Variants in SUGCT observed in about 807,000 individuals in gnomAD.
The protein encoded by SUGCT is succinyl-CoA:glutarate-CoA transferase.
A neutral mutation model predicts 55.0 loss-of-function variants in SUGCT; 41 were observed. The ratio of observed to expected loss-of-function variants is 0.74; its 90% confidence interval spans 0.58 to 0.97. The LOEUF is 0.97. SUGCT is among the 50% of genes least tolerant of loss of function. The probability of loss-of-function intolerance (pLI) is 0.00; values close to 1 mark genes in which losing one functional copy is unlikely to be tolerated. For missense variants in SUGCT, 568 were observed against 547.8 expected (o/e 1.04, Z -0.37); for synonymous variants, 187 against 200.4 (o/e 0.93, Z 0.56).
At chr7:40,985,381 A>C in the SUGCT span, among the ~76,000 whole-genome samples, 1 of 152,346 alleles carries the variant, frequency 6.6e-6, no homozygotes, top group Non-Finnish European at 1.5e-5. Context: ...GATAGACATC[A>C]AAACAAATAA....
At chr7:40,895,939 T>C in the SUGCT span, among the ~76,000 whole-genome samples, 1 of 152,190 alleles carries the variant, frequency 6.6e-6, no homozygotes, top group African/African-American at 2.4e-5. Flanking sequence ...AGGATTGGAA[T>C]TGAGATATAG....
At chr7:40,371,952 A>G (rs1784315603) in intron 9 of SUGCT, among the ~76,000 whole-genome samples, 1 of 151,492 alleles carries the variant, frequency 6.6e-6, no homozygotes, top group Admixed American at 6.6e-5. Flanking sequence ...TCGAACACAC[A>G]CACACACACA....
At chr7:40,553,402 TG>T (rs1795402400) in intron 12 of SUGCT, among the ~76,000 whole-genome samples, 1 of 152,166 alleles carries the variant, frequency 6.6e-6, no homozygotes, top group African/African-American at 2.4e-5. Flanking sequence ...AGAATAGACA[TG>T]GAAAATTGAC....
intron 13 of SUGCT, among the ~76,000 whole-genome samples, chr7:40,780,026 A>G (rs1240821174): frequency 6.6e-6 from 1 of 152,094 alleles, no homozygotes; most frequent in Non-Finnish European, 1.5e-5. Context: ...TTGAAACTCT[A>G]ATGGTTTTAT....
At chr7:40,402,137 CT>C (rs143860559) in intron 9 of SUGCT, among the ~76,000 whole-genome samples, 21 of 147,546 alleles carry the variant, frequency 1.4e-4, no homozygotes, top group South Asian at 4.3e-4. Flanking sequence ...ATTTTTATCC[CT>C]TTTTTTTTTC....
At chr7:40,763,934 G>A (rs1456843885) in intron 13 of SUGCT, among the ~76,000 whole-genome samples, 4 of 152,056 alleles carry the variant, frequency 2.6e-5, no homozygotes, top group Admixed American at 6.6e-5. Flanking sequence ...ATTCTTCTTC[G>A]GCTTGCGTGT....
chr7:40,594,735 T>A lies in SUGCT; in HGVS notation c.1089+98349T>A, dbSNP rs544473177. On this transcript the variant is annotated intron_variant, in intron 12 of 13. Coordinates refer to ENST00000335693, the MANE Select transcript of SUGCT (RefSeq NM_001193313.2). ...TGGCACTAACAAGACAATAAAGAAGTAGGACATCATTGGTGAATTTCCCAA... is the reference window on the plus strand; with the variant it reads ...TGGCACTAACAAGACAATAAAGAAGAAGGACATCATTGGTGAATTTCCCAA... Among the ~76,000 whole-genome samples the A allele has an allele frequency of 5.9e-5, 9 of 152,280 alleles. No homozygotes were observed. The South Asian group carries it at 1.5e-3, about 25-fold the overall frequency.
chr7:40,565,163 G>C (rs1181455220), intron 12 of SUGCT, among the ~76,000 whole-genome samples: 1 of 152,192 alleles, frequency 6.6e-6, no homozygotes, highest in African/African-American at 2.4e-5. Context: ...TCTCCTTTTA[G>C]TAGCGTTCTC....
chr7:40,193,155 C>T (rs944562396), intron 5 of SUGCT, among the ~76,000 whole-genome samples: 7 of 151,282 alleles, frequency 4.6e-5, no homozygotes, highest in African/African-American at 7.3e-5. Flanking sequence ...TTTGTAGAGA[C>T]GAAGCCTTGG....
chr7:40,274,418 T>C (rs928136021), intron 7 of SUGCT, 95 bp from the exon 8 acceptor site: 1 of 1,335,154 alleles, frequency 7.5e-7, no homozygotes, highest in African/African-American at 1.5e-5. Context: ...TAATAGACAA[T>C]TCTTTTTTCT....
intron 12 of SUGCT, among the ~76,000 whole-genome samples, chr7:40,699,492 C>A (rs970390988): frequency 1.3e-5 from 2 of 152,182 alleles, no homozygotes; most frequent in African/African-American, 4.8e-5. Flanking sequence ...GGTGATGAGT[C>A]TCCCCGTGTC....
intron 7 of SUGCT, among the ~76,000 whole-genome samples, chr7:40,267,358 A>G (rs1163996042): frequency 6.6e-6 from 1 of 152,226 alleles, no homozygotes; most frequent in Non-Finnish European, 1.5e-5. Flanking sequence ...TAAAAATTGT[A>G]CTATCAATTT....
intron 12 of SUGCT, among the ~76,000 whole-genome samples, chr7:40,513,737 C>T (rs1254324969): frequency 2.0e-5 from 3 of 150,410 alleles, no homozygotes; most frequent in African/African-American, 7.4e-5. Context: ...TTAGGGGATT[C>T]TCCTAGAGAT....
At chr7:40,844,618 G>A (rs1449206078) in intron 13 of SUGCT, among the ~76,000 whole-genome samples, 1 of 152,162 alleles carries the variant, frequency 6.6e-6, no homozygotes, top group Admixed American at 6.5e-5. Context: ...GGTGGGCCAG[G>A]GTGGTTTTGG....
chr7:40,479,656 G>T (rs1193684307), intron 11 of SUGCT, among the ~76,000 whole-genome samples: 1 of 152,114 alleles, frequency 6.6e-6, no homozygotes, highest in Admixed American at 6.6e-5. Flanking sequence ...AGTGAGAAGA[G>T]TTCCCTTTTC....
At chr7:40,870,936 C>T in the SUGCT span, among the ~76,000 whole-genome samples, 65 of 152,252 alleles carry the variant, frequency 4.3e-4, no homozygotes, top group African/African-American at 1.5e-3. Context: ...GTCCTTTCAA[C>T]ACGCTCCTAC....
chr7:40,744,435 C>T (rs916386803), intron 12 of SUGCT, among the ~76,000 whole-genome samples: 5 of 152,194 alleles, frequency 3.3e-5, no homozygotes, highest in African/African-American at 1.2e-4. Context: ...TTTCTTTCCC[C>T]ACTAAAGTGA....
intron 12 of SUGCT, among the ~76,000 whole-genome samples, chr7:40,737,106 G>A (rs74952468): frequency 3.7e-4 from 57 of 152,264 alleles, no homozygotes; most frequent in Non-Finnish European, 7.9e-4. Flanking sequence ...TAGTGAATGC[G>A]CAGGGGCACT....
intron 13 of SUGCT, among the ~76,000 whole-genome samples, chr7:40,778,451 C>T (rs1379955087): frequency 6.6e-6 from 1 of 152,204 alleles, no homozygotes; most frequent in Non-Finnish European, 1.5e-5. Flanking sequence ...CATTTGTCTA[C>T]CCATTTATTT....
Sources: gnomAD v4.1 joint callset for allele counts (sites outside exome capture counted in the v4.1 genomes callset) on GRCh38, gnomAD v4.1.1 for gene constraint, MANE v1.5 for transcripts, NCBI Gene and HGNC (gene_info 2026-07-23, HGNC 2026-07-21) for gene names.